Variants in OSBPL10 observed in about 807,000 individuals in gnomAD.
OSBPL10 encodes oxysterol binding protein like 10.
A neutral mutation model predicts 81.7 loss-of-function variants in OSBPL10; 49 were observed. That is an observed-to-expected ratio of 0.60 (90% CI 0.48 to 0.76). The LOEUF (loss-of-function observed/expected upper bound fraction) is 0.76. Ranked by LOEUF, OSBPL10 falls within the 30% of genes least tolerant of loss-of-function variation. The probability of loss-of-function intolerance (pLI) is 0.00; values close to 1 mark genes in which losing one functional copy is unlikely to be tolerated. For missense variants in OSBPL10, 923 were observed against 987.8 expected (o/e 0.93, Z 0.88); for synonymous variants, 419 against 383.6 (o/e 1.09, Z -1.08).
intron 4 of OSBPL10, among the ~76,000 whole-genome samples, chr3:31,786,615 C>T (rs189415488): frequency 1.2e-3 from 189 of 152,258 alleles, no homozygotes; most frequent in Non-Finnish European, 1.9e-3. Flanking sequence ...GACCTCATGG[C>T]CTAATCACCT....
chr3:31,838,723 C>A (rs377659026), intron 3 of OSBPL10, among the ~76,000 whole-genome samples: 7 of 151,470 alleles, frequency 4.6e-5, no homozygotes, highest in African/African-American at 1.7e-4. Context: ...TTAGCATCTT[C>A]GAAAAAAATT....
At chr3:31,714,151 T>G (rs1696356682) in intron 6 of OSBPL10, 1 of 152,226 alleles carries the variant, frequency 6.6e-6, no homozygotes, top group African/African-American at 2.4e-5. Context: ...CCTGCCACAG[T>G]CCAGCGTGAG....
chr3:31,677,326 AAAGAT>A (rs1700505299), intron 8 of OSBPL10, among the ~76,000 whole-genome samples: 1 of 152,150 alleles, frequency 6.6e-6, no homozygotes, highest in Admixed American at 6.5e-5. Flanking sequence ...AATTAATACA[AAAGAT>A]AAGGGGACGC....
chr3:31,838,487 G>C lies in OSBPL10; in HGVS notation c.538-8256C>G, dbSNP rs111884989. On this transcript the variant is annotated intron_variant, in intron 3 of 11. Coordinates refer to ENST00000396556, the MANE Select transcript of OSBPL10 (RefSeq NM_017784.5). The stretch of plus-strand genomic sequence containing the variant: ...GATCACGAGACGGCACTCCAGCCTG[G>C]GCGACAGAGCAAGACTCTGTCAAAA... Among the ~76,000 whole-genome samples, 991 of 140,142 alleles carry C rather than the reference G, an allele frequency of 7.1e-3. 7 individuals carry two copies. Among genetic ancestry groups the C allele is most frequent in the Non-Finnish European group, 0.011 (759 of 66,310 alleles). The allele number at this position is 140,142 out of a possible 152,430, so 91.9% of individuals were successfully genotyped here. A position where few individuals can be genotyped will look rare whatever the true frequency, so the allele number is the denominator to read the frequency against.
chr3:32,020,733 C>T (rs528421784), intron 2 of OSBPL10, among the ~76,000 whole-genome samples: 3 of 149,406 alleles, frequency 2.0e-5, no homozygotes, highest in African/African-American at 7.7e-5. Flanking sequence ...AAAAAGAAGA[C>T]CTGGGATTTT....
rs1207876409 is a variant in OSBPL10, at chr3:31,744,400, G to C, written c.940+3510C>G. Among the ~76,000 whole-genome samples, 3 of 151,898 alleles carry C rather than the reference G, an allele frequency of 2.0e-5. No homozygotes were observed. The East Asian group carries it at 5.8e-4, about 29-fold the overall frequency. ...TACTAAAAATACAAAAATTAGCCAGGCATGGTGGGCACCTGTAATCCCAGC... is the reference window on the plus strand; with the variant it reads ...TACTAAAAATACAAAAATTAGCCAGCCATGGTGGGCACCTGTAATCCCAGC... On this transcript the variant is annotated intron_variant, in intron 5 of 11. Transcript: ENST00000396556.
chr3:31,809,213 A>G (rs1224948711), intron 4 of OSBPL10, among the ~76,000 whole-genome samples: 11 of 152,214 alleles, frequency 7.2e-5, no homozygotes. Flanking sequence ...TCATCAGCAA[A>G]ACTACAACAA....
At chr3:32,033,992 T>A (rs1699497201) in intron 2 of OSBPL10, among the ~76,000 whole-genome samples, 1 of 152,130 alleles carries the variant, frequency 6.6e-6, no homozygotes, top group South Asian at 2.1e-4. Flanking sequence ...AGGGACACCT[T>A]AGGAAACTTA....
chr3:31,967,169 C>T (rs1176632739), intron 1 of OSBPL10, among the ~76,000 whole-genome samples: 1 of 152,160 alleles, frequency 6.6e-6, no homozygotes, highest in Non-Finnish European at 1.5e-5. Context: ...AAAAAAATCC[C>T]ATTCCCTCAC....
At chr3:32,049,485 A>G (rs1251597532) in intron 1 of OSBPL10, among the ~76,000 whole-genome samples, 1 of 152,104 alleles carries the variant, frequency 6.6e-6, no homozygotes, top group Non-Finnish European at 1.5e-5. Context: ...AAAGACAGAG[A>G]GGGTTAAAGG....
chr3:32,006,705 T>G (rs1007194188), intron 2 of OSBPL10, among the ~76,000 whole-genome samples: 12 of 152,232 alleles, frequency 7.9e-5, no homozygotes, highest in African/African-American at 2.9e-4. Context: ...ACTTGTGGTG[T>G]CAACCTCATA....
At position 31,769,461 on chromosome 3, in the gene OSBPL10, A is replaced by AAAAAC. The variant is rs1553623610; in HGVS notation, c.730-21342_730-21341insGTTTT. ...ACTCCATCTCAAAAAAAAAAAAACA[A>AAAAAC]AAAAAAAACAAAAAAAAACAGAATA... On this transcript the variant is annotated intron_variant, in intron 4 of 11. Coordinates refer to ENST00000396556, the MANE Select transcript of OSBPL10 (RefSeq NM_017784.5). 1.7e-3 allele frequency among the ~76,000 whole-genome samples: 128 copies of AAAAAC among 76,662 alleles called. 29 individuals are homozygous for AAAAAC. Among genetic ancestry groups the AAAAAC allele is most frequent in the Non-Finnish European group, 2.3e-3 (80 of 35,326 alleles). The allele number at this position is 76,662 out of a possible 152,430, so 50.3% of individuals were successfully genotyped here. A position where few individuals can be genotyped will look rare whatever the true frequency, so the allele number is the denominator to read the frequency against.
At chr3:31,826,559 C>T (rs1051369097) in intron 4 of OSBPL10, among the ~76,000 whole-genome samples, 1 of 152,176 alleles carries the variant, frequency 6.6e-6, no homozygotes, top group Non-Finnish European at 1.5e-5. Flanking sequence ...CTCTTTTATT[C>T]TCCTGATATT....
intron 1 of OSBPL10, among the ~76,000 whole-genome samples, chr3:31,969,246 C>T (rs376119995): frequency 8.5e-5 from 13 of 152,290 alleles, no homozygotes; most frequent in African/African-American, 3.1e-4. Context: ...CATCTGTCAG[C>T]ACTTACAAAT....
At chr3:31,757,365 T>C (rs1270692001) in intron 4 of OSBPL10, among the ~76,000 whole-genome samples, 3 of 152,106 alleles carry the variant, frequency 2.0e-5, no homozygotes, top group Non-Finnish European at 4.4e-5. Context: ...TTTGGGAGGC[T>C]GAGGCAGAAA....
chr3:32,049,468 T>C (rs901583351), intron 1 of OSBPL10, among the ~76,000 whole-genome samples: 1 of 151,790 alleles, frequency 6.6e-6, no homozygotes, highest in Non-Finnish European at 1.5e-5. Context: ...CTTAGGAGAG[T>C]CTCTCTAAAG....
intron 4 of OSBPL10, among the ~76,000 whole-genome samples, chr3:31,776,896 AAC>A (rs1293051007): frequency 6.6e-6 from 1 of 152,178 alleles, no homozygotes; most frequent in African/African-American, 2.4e-5. Flanking sequence ...TGAATACACT[AAC>A]AGCCATGGAA....
intron 1 of OSBPL10, among the ~76,000 whole-genome samples, chr3:31,902,745 C>T (rs6783935): frequency 0.57 from 86,203 of 151,882 alleles, 24,549 homozygotes; most frequent in South Asian, 0.63. Context: ...TTTGTATTTT[C>T]AGTAGAGACC....
chr3:31,733,776 G>C (rs1697056566), intron 5 of OSBPL10, among the ~76,000 whole-genome samples: 1 of 149,520 alleles, frequency 6.7e-6, no homozygotes, highest in Non-Finnish European at 1.5e-5. Flanking sequence ...CACTTTGGGA[G>C]GCCGAGGCGG....
Sources: gnomAD v4.1 joint callset for allele counts (sites outside exome capture counted in the v4.1 genomes callset) on GRCh38, gnomAD v4.1.1 for gene constraint, MANE v1.5 for transcripts, NCBI Gene and HGNC (gene_info 2026-07-23, HGNC 2026-07-21) for gene names.